The following ERC2 variants were observed in gnomAD, a reference collection of about 807,000 sequenced individuals.
ERC2 encodes the protein ERC protein 2.
A neutral mutation model predicts 114.8 loss-of-function variants in ERC2; 42 were observed. That is an observed-to-expected ratio of 0.37 (90% CI 0.29 to 0.47). ERC2 has a LOEUF of 0.47. Among genes scored for constraint, ERC2 ranks in the 20% least tolerant of loss-of-function variants. The pLI is 0.99. For synonymous variants in ERC2, 454 were observed against 425.5 expected (o/e 1.07, Z -0.82); for missense variants, 939 against 1,150.7 (o/e 0.82, Z 2.66).
chr3:55,915,631 A>G (rs547631717), intron 13 of ERC2, among the ~76,000 whole-genome samples: 11 of 152,312 alleles, frequency 7.2e-5, no homozygotes, highest in African/African-American at 1.9e-4. Flanking sequence ...ATGGATGTCA[A>G]TACACCTGAC....
At chr3:55,927,674 A>ATC (rs1559882947) in intron 13 of ERC2, among the ~76,000 whole-genome samples, 1 of 152,122 alleles carries the variant, frequency 6.6e-6, no homozygotes, top group Non-Finnish European at 1.5e-5. Context: ...CTGTCGTGTT[A>ATC]TCAAATACTA....
chr3:55,594,749 G>T (rs1194981299), intron 17 of ERC2, among the ~76,000 whole-genome samples: 1 of 152,112 alleles, frequency 6.6e-6, no homozygotes, highest in East Asian at 1.9e-4. Flanking sequence ...CTCCTAAAGT[G>T]CTAGGATTAC....
intron 2 of ERC2, among the ~76,000 whole-genome samples, chr3:56,332,166 AC>A (rs2057652777): frequency 6.6e-6 from 1 of 151,920 alleles, no homozygotes; most frequent in Admixed American, 6.6e-5. Flanking sequence ...ACACACACAC[AC>A]AAGAGATTTC....
chr3:56,119,482 T>A (rs998323264), intron 6 of ERC2, among the ~76,000 whole-genome samples: 3 of 152,208 alleles, frequency 2.0e-5, no homozygotes, highest in Non-Finnish European at 4.4e-5. Flanking sequence ...TTACTCCAAC[T>A]CATCTTTCAG....
intron 14 of ERC2, among the ~76,000 whole-genome samples, chr3:55,857,219 G>A (rs751612366): frequency 2.6e-5 from 4 of 152,134 alleles, no homozygotes; most frequent in African/African-American, 7.2e-5. Flanking sequence ...GAGAGGGTAC[G>A]AGGACAGAGG....
chr3:55,808,899 A>G (rs1047273980), intron 14 of ERC2, among the ~76,000 whole-genome samples: 23 of 151,102 alleles, frequency 1.5e-4, no homozygotes, highest in African/African-American at 4.4e-4. Context: ...ACAAACTCTT[A>G]TAAAACTTGG....
At position 56,139,737 on chromosome 3, in the gene ERC2, GACA is replaced by G. The variant is rs1315464639; in HGVS notation, c.1306-64_1306-62del. ...ATTGCTGCCCCTACACTTTACATTG[GACA>G]ACTACTGATTTCTCTCCATTTCAGC... On this transcript the variant is annotated intron_variant, in intron 5 of 17. Coordinates refer to ENST00000288221, the MANE Select transcript of ERC2 (RefSeq NM_015576.3). 2.2e-5 allele frequency: 33 copies of G among 1,485,886 alleles called. No homozygotes were observed. In the Admixed American group the frequency reaches 6.7e-4, roughly 30 times the overall value. The allele number at this position is 1,485,886 out of a possible 1,614,324, so 92.0% of individuals were successfully genotyped here.
intron 2 of ERC2, among the ~76,000 whole-genome samples, chr3:56,389,290 A>G (rs1392612359): frequency 3.3e-5 from 5 of 152,210 alleles, no homozygotes; most frequent in African/African-American, 1.2e-4. Context: ...CATGAGTCAG[A>G]CTTCACAGAG....
At chr3:56,019,456 A>G (rs1184134818) in intron 7 of ERC2, among the ~76,000 whole-genome samples, 1 of 152,214 alleles carries the variant, frequency 6.6e-6, no homozygotes, top group Non-Finnish European at 1.5e-5. Flanking sequence ...CCATATCAGT[A>G]TATGGCAGAT....
chr3:56,406,690 C>A (rs1270595049), intron 2 of ERC2, among the ~76,000 whole-genome samples: 2 of 152,080 alleles, frequency 1.3e-5, no homozygotes, highest in Non-Finnish European at 2.9e-5. Flanking sequence ...GAGCATGATG[C>A]ACATAAGAGA....
At chr3:56,138,051 CTTTTTTTTT>C (rs920983143) in intron 6 of ERC2, among the ~76,000 whole-genome samples, 1 of 92,632 alleles carries the variant, frequency 1.1e-5, no homozygotes, top group East Asian at 3.6e-4. Flanking sequence ...AATGGTATTT[CTTTTTTTTT>C]TTTTTTTTTT....
At chr3:56,198,064 T>C (rs978213721) in intron 3 of ERC2, among the ~76,000 whole-genome samples, 1 of 152,128 alleles carries the variant, frequency 6.6e-6, no homozygotes, top group African/African-American at 2.4e-5. Context: ...AAATGGATGA[T>C]GACCAACAAA....
intron 3 of ERC2, among the ~76,000 whole-genome samples, chr3:56,187,251 A>G (rs1484091949): frequency 6.6e-6 from 1 of 152,168 alleles, no homozygotes; most frequent in East Asian, 1.9e-4. Context: ...GCACACTTCC[A>G]GGAAAGGTCA....
chr3:56,417,129 G>A (rs1188610205), intron 2 of ERC2, among the ~76,000 whole-genome samples: 3 of 152,210 alleles, frequency 2.0e-5, no homozygotes, highest in Non-Finnish European at 2.9e-5. Context: ...CATCTCCTCT[G>A]AGTCCTATGT....
rs180880427 is a variant in ERC2, at chr3:56,116,114, G to T, written c.1473+23395C>A. Among the ~76,000 whole-genome samples, 11 of 152,288 alleles carry T rather than the reference G, an allele frequency of 7.2e-5. No homozygotes were observed. The East Asian group carries it at 2.1e-3, about 29-fold the overall frequency. ...CCTGTATGGTCCCATGTGGCAGGGT[G>T]TGCCCCTTCCTCTTGGAAGTGGTAA... On this transcript the variant is annotated intron_variant, in intron 6 of 17. Coordinates refer to ENST00000288221, the MANE Select transcript of ERC2 (RefSeq NM_015576.3).
In ERC2 at chr3:55,909,848, C is replaced by T. The variant is rs2064695553; in HGVS notation, c.2404-21299G>A. Among the ~76,000 whole-genome samples the T allele has an allele frequency of 2.0e-5, 3 of 152,212 alleles. No homozygotes were observed. The South Asian group carries it at 6.2e-4, about 32-fold the overall frequency. ...TTAACATTTAATTTGACTTAGAAAA[C>T]ACAAAATATTAGGTTTTTGCATCCA... On this transcript the variant is annotated intron_variant, in intron 13 of 17. Coordinates refer to ENST00000288221, the MANE Select transcript of ERC2 (RefSeq NM_015576.3).
intron 14 of ERC2, among the ~76,000 whole-genome samples, chr3:55,775,496 A>G (rs1388712328): frequency 6.6e-6 from 1 of 151,394 alleles, no homozygotes; most frequent in Non-Finnish European, 1.5e-5. Flanking sequence ...GTGTCATGGC[A>G]CTCCAGCCTG....
At chr3:56,409,889 T>G (rs2060878269) in intron 2 of ERC2, among the ~76,000 whole-genome samples, 1 of 152,212 alleles carries the variant, frequency 6.6e-6, no homozygotes, top group African/African-American at 2.4e-5. Context: ...CGCTATCTCA[T>G]GTAGTCTTCA....
intron 16 of ERC2, among the ~76,000 whole-genome samples, chr3:55,686,007 G>T (rs1404807316): frequency 6.6e-6 from 1 of 152,096 alleles, no homozygotes; most frequent in East Asian, 1.9e-4. Flanking sequence ...TCTTAACAGT[G>T]GAATGTGGTC....
Sources: gnomAD v4.1 joint callset for allele counts (sites outside exome capture counted in the v4.1 genomes callset) on GRCh38, gnomAD v4.1.1 for gene constraint, MANE v1.5 for transcripts, NCBI Gene and HGNC (gene_info 2026-07-23, HGNC 2026-07-21) for gene names.